Variants in GINM1 observed in about 807,000 individuals in gnomAD.
The protein encoded by GINM1 is glycosylated integral membrane protein 1.
GINM1 carries 29 observed loss-of-function variants against 37.8 expected under a neutral mutation model. The ratio of observed to expected loss-of-function variants is 0.77; its 90% confidence interval spans 0.57 to 1.05. The LOEUF (loss-of-function observed/expected upper bound fraction) is 1.05, where lower values mean the gene tolerates loss of function less well. Ranked by LOEUF, GINM1 falls within the 50% of genes least tolerant of loss-of-function variation. The pLI, the probability that GINM1 is intolerant of heterozygous loss-of-function variation, is 0.00. For missense variants in GINM1, 377 were observed against 397.9 expected (o/e 0.95, Z 0.45); for synonymous variants, 143 against 146.2 (o/e 0.98, Z 0.16).
In GINM1 at chr6:149,567,602, C is replaced by A. The variant is rs528967466; in HGVS notation, c.120+1068C>A. ...GTTGCAGTGAGCCGAGATCGTGCCA[C>A]TGCATTCCAGCCTGGGTGAGGGAGC... On this transcript the variant is annotated intron_variant, in intron 1 of 7. Coordinates refer to ENST00000367419, the MANE Select transcript of GINM1 (RefSeq NM_138785.5). Among the ~76,000 whole-genome samples the A allele has an allele frequency of 1.1e-4, 17 of 152,284 alleles. No homozygotes were observed. In the South Asian group the frequency reaches 3.5e-3, roughly 32 times the overall value.
intron 7 of GINM1, among the ~76,000 whole-genome samples, chr6:149,587,546 G>T (rs1778091282): frequency 6.6e-6 from 1 of 152,152 alleles, no homozygotes; most frequent in Non-Finnish European, 1.5e-5. Context: ...CCACTTACTG[G>T]TTTATTACAA....
At chr6:149,570,171 TATATATATATATATATATATATATATAA>T (rs1220611550) in intron 1 of GINM1, among the ~76,000 whole-genome samples, 2 of 86,038 alleles carry the variant, frequency 2.3e-5, no homozygotes, top group Non-Finnish European at 4.7e-5. Flanking sequence ...TATATATATA[TATATATATATATATATATATATATATAA>T]AGTTCAGTAA....
At chr6:149,569,363 G>A (rs73604786) in intron 1 of GINM1, among the ~76,000 whole-genome samples, 2,452 of 126,986 alleles carry the variant, frequency 0.019, 57 homozygotes, top group African/African-American at 0.066. Flanking sequence ...TTGACGTGAA[G>A]TCTCGCTCTG....
In GINM1 at chr6:149,580,632, T is replaced by A; in HGVS notation, c.626T>A (p.Ile209Asn). 6.2e-7 allele frequency: 1 copy of A among 1,613,856 alleles called. No individual in the cohort carries two copies. The highest frequency in any genetic ancestry group is 8.5e-7 in the Non-Finnish European group (1 of 1,179,794). Residue 209 changes from isoleucine to asparagine, a missense_variant, in exon 6 of 8, where the codon ATC becomes AAC. Ile to Asn is a moderately radical substitution (Grantham distance 149). Transcript: ENST00000367419. ...SSLQTTSQYL[I>N]RNVETTVDED... ...CTGCAAACCACTAGCCAGTATCTTA[T>A]CAGGAATGTGGAAACCACTGTAGAT... is the stretch of plus-strand genomic sequence containing the variant.
At chr6:149,579,161 A>G (rs1363147993) in intron 4 of GINM1, among the ~76,000 whole-genome samples, 188 bp downstream of exon 4, 2 of 152,212 alleles carry the variant, frequency 1.3e-5, no homozygotes, top group Non-Finnish European at 2.9e-5. Context: ...AAAATTTCCC[A>G]TATTCATACA....
At chr6:149,580,097 C>A in intron 5 of GINM1, 107 bp downstream of exon 5, 1 of 728,382 alleles carries the variant, frequency 1.4e-6, no homozygotes, top group South Asian at 2.4e-5. Context: ...GCAAAAGTTG[C>A]TATTTATCTT....
At chr6:149,572,418 A>G in intron 2 of GINM1, 74 bp downstream of exon 2, 3 of 1,278,512 alleles carry the variant, frequency 2.3e-6, no homozygotes, top group African/African-American at 1.5e-5. Context: ...TTTAACTTGC[A>G]CGTCTCATTT....
chr6:149,576,486 C>A (rs1054541375), intron 3 of GINM1, among the ~76,000 whole-genome samples: 1 of 152,172 alleles, frequency 6.6e-6, no homozygotes, highest in Non-Finnish European at 1.5e-5. Context: ...TGCATTGGCT[C>A]ATGCCTGTAA....
intron 1 of GINM1, among the ~76,000 whole-genome samples, chr6:149,570,524 G>T (rs769848791): frequency 1.5e-5 from 2 of 129,834 alleles, no homozygotes; most frequent in Non-Finnish European, 3.4e-5. Context: ...CTCCTAGTTG[G>T]GAAGTGAACC....
At chr6:149,588,559 G>C (rs1020375038) in intron 7 of GINM1, among the ~76,000 whole-genome samples, 3 of 152,064 alleles carry the variant, frequency 2.0e-5, no homozygotes, top group African/African-American at 7.2e-5. Context: ...ACAGCATGTA[G>C]GGTTTTTATT....
At chr6:149,571,590 G>T (rs2115055633) in intron 1 of GINM1, among the ~76,000 whole-genome samples, 1 of 152,180 alleles carries the variant, frequency 6.6e-6, no homozygotes, top group East Asian at 1.9e-4. Context: ...AGAAAAGCAA[G>T]AAATGATTCA....
chr6:149,589,067 G>A (rs900967465), intron 7 of GINM1, among the ~76,000 whole-genome samples: 1 of 151,804 alleles, frequency 6.6e-6, no homozygotes, highest in Non-Finnish European at 1.5e-5. Context: ...GCCTCCCAAA[G>A]TGCTGGGATT....
intron 7 of GINM1, among the ~76,000 whole-genome samples, chr6:149,588,123 G>T (rs558399466): frequency 5.6e-4 from 85 of 152,302 alleles, no homozygotes; most frequent in South Asian, 1.7e-3. Context: ...TTGCACATGT[G>T]TATTTATGTA....
At chr6:149,577,200 T>C (rs1777926348) in intron 3 of GINM1, among the ~76,000 whole-genome samples, 2 of 152,222 alleles carry the variant, frequency 1.3e-5, no homozygotes, top group South Asian at 2.1e-4. Flanking sequence ...GCTGAAGAAT[T>C]GCCACTTGGG....
intron 6 of GINM1, 60 bp downstream of exon 6, chr6:149,580,783 C>T (rs1255746313): frequency 1.9e-5 from 28 of 1,483,784 alleles, no homozygotes; most frequent in Non-Finnish European, 2.5e-5. Flanking sequence ...AAAATCGACC[C>T]TAGCATTTAA....
chr6:149,589,804 T>C (rs1226069004), intron 7 of GINM1, among the ~76,000 whole-genome samples: 4 of 152,132 alleles, frequency 2.6e-5, no homozygotes, highest in African/African-American at 9.7e-5. Flanking sequence ...TCTCATGTTT[T>C]GTTTTTGTTT....
chr6:149,570,328 T>G (rs1777800440), intron 1 of GINM1, among the ~76,000 whole-genome samples: 1 of 151,346 alleles, frequency 6.6e-6, no homozygotes, highest in Non-Finnish European at 1.5e-5. Flanking sequence ...ATTAATACAT[T>G]CTCTAGTTTG....
chr6:149,568,052 A>G (rs559862674), intron 1 of GINM1, among the ~76,000 whole-genome samples: 66 of 152,314 alleles, frequency 4.3e-4, no homozygotes, highest in African/African-American at 7.5e-4. Context: ...TGATTTTACT[A>G]TTTCAGTTCT....
In GINM1 at chr6:149,590,984, A is replaced by G; in HGVS notation, c.*146A>G. 1.7e-6 allele frequency: 1 copy of G among 571,990 alleles called. No individual in the cohort carries two copies. The highest frequency in any genetic ancestry group is 3.1e-6 in the Non-Finnish European group (1 of 324,188). The allele number at this position is 571,990 out of a possible 1,614,324, so 35.4% of individuals were successfully genotyped here. ...AGACTGCCTGAAAATTGACCTTTAC[A>G]GTGCCAAGTTAAAGTTTACCTTATT... On this transcript the variant is annotated 3_prime_UTR_variant, in exon 8 of 8. Transcript: ENST00000367419.
Sources: gnomAD v4.1 joint callset for allele counts (sites outside exome capture counted in the v4.1 genomes callset) on GRCh38, gnomAD v4.1.1 for gene constraint, MANE v1.5 for transcripts, NCBI Gene and HGNC (gene_info 2026-07-23, HGNC 2026-07-21) for gene names.